The following SPEG variants were observed in gnomAD, a reference collection of about 807,000 sequenced individuals.
The protein encoded by SPEG is striated muscle enriched protein kinase, also known as striated muscle preferentially expressed protein kinase.
In SPEG, 114 loss-of-function variants were observed where a neutral mutation model predicts 300.4. The ratio of observed to expected loss-of-function variants is 0.38; its 90% CI spans 0.33 to 0.44. The LOEUF (loss-of-function observed/expected upper bound fraction) is 0.44, where lower values mean the gene tolerates loss of function less well. SPEG is among the 20% of genes least tolerant of loss of function. The pLI is 1.00. For synonymous variants in SPEG, 1,964 were observed against 2,018.9 expected (o/e 0.97, Z 0.73); for missense variants, 4,201 against 4,586.2 (o/e 0.92, Z 2.43).
chr2:219,460,748 G>GCCTGC (rs1237604127), intron 6 of SPEG: 8 of 985,174 alleles, frequency 8.1e-6, no homozygotes, highest in Non-Finnish European at 9.6e-6. Flanking sequence ...CTAGCCAGCT[G>GCCTGC]CCTGCCGGCC....
Position 219,472,239 on chromosome 2 carries a change from G to A in SPEG, c.3848G>A (p.Gly1283Asp). Residue 1283 changes from glycine to aspartate, a missense_variant, in exon 15 of 41, where the codon GGC (glycine) becomes GAC (aspartate). Physicochemically the swap from Gly to Asp is moderately conservative, Grantham distance 94 (BLOSUM62 -1). Transcript: ENST00000312358. ...AHLYVTDVVP[G>D]PPDGAPQVVA... ...CTGCGGCTTTCAGATGTGGTCCCAG[G>A]CCCTCCAGATGGCGCCCCGCAGGTG... is the stretch of plus-strand genomic sequence containing the variant. The A allele has an allele frequency of 1.2e-6, 2 of 1,613,812 alleles. No homozygotes were observed. Among genetic ancestry groups the A allele is most frequent in the South Asian group, 2.2e-5 (2 of 91,090 alleles).
At chr2:219,447,035 C>T (rs367646932) in intron 3 of SPEG, among the ~76,000 whole-genome samples, 6 of 150,894 alleles carry the variant, frequency 4.0e-5, no homozygotes, top group Middle Eastern at 3.4e-3. Flanking sequence ...ACCCCCTCCT[C>T]CCCGCAAGGG....
At position 219,472,307 on chromosome 2, in the gene SPEG, C is replaced by G; in HGVS notation, c.3916C>G (p.Pro1306Ala). The G allele has an allele frequency of 1.2e-6, 2 of 1,613,772 alleles. No individual in the cohort carries two copies. The highest frequency in any genetic ancestry group is 1.7e-6 in the Non-Finnish European group (2 of 1,179,978). Residue 1306 changes from proline to alanine, a missense_variant, in exon 15 of 41, where the codon CCC (proline) becomes GCC (alanine). Around this residue, in one of 4 missense-constraint regions of SPEG, gnomAD observed 1,047 missense variants for 1,356.8 expected, o/e 0.77. Coordinates refer to ENST00000312358, the MANE Select transcript of SPEG (RefSeq NM_005876.5). ...GATGGTCACACTCACATGGAACCCC[C>G]CCAGGAGTCTGGACATGGCCATCGG... ...GRMVTLTWNP[P>A]RSLDMAIDPD...
intron 6 of SPEG, among the ~76,000 whole-genome samples, chr2:219,452,651 G>A (rs1476722242): frequency 2.6e-5 from 4 of 152,122 alleles, no homozygotes; most frequent in Non-Finnish European, 4.4e-5. Context: ...ATCTAGTGCC[G>A]AGGACATCCG....
chr2:219,448,212 G>A lies in SPEG; in HGVS notation c.1054G>A (p.Glu352Lys), dbSNP rs906654699. The A allele has an allele frequency of 6.2e-7, 1 of 1,612,418 alleles. No homozygotes were observed. Among genetic ancestry groups the A allele is most frequent in the African/African-American group, 1.3e-5 (1 of 74,920 alleles). ...PVLPEDTTTEEKRGKKSKSSG... is the reference protein window; with the variant it reads ...PVLPEDTTTEKKRGKKSKSSG... Reference sequence around the variant, plus strand: ...GCTGCCCGAGGACACCACCACCGAAGAGAAGCGAGGGAAGAAGTCCAAGTC... The same window carrying A: ...GCTGCCCGAGGACACCACCACCGAAAAGAAGCGAGGGAAGAAGTCCAAGTC... Residue 352 changes from glutamate to lysine, a missense_variant, in exon 4 of 41, where the codon GAG (glutamate) becomes AAG (lysine). Glu to Lys is a moderately conservative substitution (Grantham distance 56). Coordinates refer to ENST00000312358, the MANE Select transcript of SPEG (RefSeq NM_005876.5).
At chr2:219,441,728 T>C (rs531794085) in intron 1 of SPEG, 19 of 382,210 alleles carry the variant, frequency 5.0e-5, no homozygotes, top group South Asian at 2.1e-4. Flanking sequence ...GGTCCGTGGC[T>C]CTCGGCGTTA....
In SPEG at chr2:219,480,106, A is replaced by C; in HGVS notation, c.5308A>C (p.Asn1770His). The change falls in exon 25 of 41, where the codon AAT (asparagine) becomes CAT (histidine). Residue 1770 changes from asparagine to histidine, a missense_variant. Physicochemically the swap from Asn to His is moderately conservative, Grantham distance 68 (BLOSUM62 1). Coordinates refer to ENST00000312358, the MANE Select transcript of SPEG (RefSeq NM_005876.5). The surrounding 1 kb of genome is among the most constrained non-coding windows in gnomAD (Gnocchi z 5.3). ...TGAGTTTGTAGCACCCGAGATTGTC[A>C]ATCAGAGCCCCGTGTCTGGAGTCAC... is the stretch of plus-strand genomic sequence containing the variant. ...TPEFVAPEIVNQSPVSGVTDI... is the reference protein window; with the variant it reads ...TPEFVAPEIVHQSPVSGVTDI... The C allele has an allele frequency of 6.2e-7, 1 of 1,613,946 alleles. No individual in the cohort carries two copies. Among genetic ancestry groups the C allele is most frequent in the Non-Finnish European group, 8.5e-7 (1 of 1,180,016 alleles).
At chr2:219,440,276 A>C (rs1183039159) in intron 1 of SPEG, among the ~76,000 whole-genome samples, 1 of 151,774 alleles carries the variant, frequency 6.6e-6, no homozygotes, top group African/African-American at 2.4e-5. Context: ...AGTCTCAGGT[A>C]CAAGGGGGGC....
intron 14 of SPEG, 85 bp downstream of exon 14, chr2:219,472,072 C>G: frequency 6.4e-7 from 1 of 1,559,842 alleles, no homozygotes; most frequent in Non-Finnish European, 8.7e-7. Context: ...GGCCTCCACC[C>G]AGCTCCCTTC....
intron 14 of SPEG, 112 bp downstream of exon 14, chr2:219,472,099 G>T: frequency 6.5e-7 from 1 of 1,533,470 alleles, no homozygotes; most frequent in Non-Finnish European, 8.8e-7. Flanking sequence ...ATCCCCTGGG[G>T]ACCCTCTTGC....
Position 219,484,743 on chromosome 2 carries a change from C to T in SPEG, c.7280C>T (p.Pro2427Leu), listed in dbSNP as rs1322605028. 2.7e-6 allele frequency: 4 copies of T among 1,471,554 alleles called. No individual in the cohort carries two copies. The East Asian group carries it at 8.3e-5, about 30-fold the overall frequency. The allele number at this position is 1,471,554 out of a possible 1,614,324, so 91.2% of individuals were successfully genotyped here. ...CGGACCCCTCCCGCGCAGCGCCACC[C>T]GGCCTGGGAGGCCCGCGGCGGGGAC... Reference protein sequence around the residue: ...LRRTPPAQRHPAWEARGGDGE... With the variant: ...LRRTPPAQRHLAWEARGGDGE... Residue 2427 changes from proline (P) to leucine (L), a missense_variant, in exon 30 of 41, where the codon CCG becomes CTG. By Grantham distance (98) the Pro-to-Leu change is moderately conservative (BLOSUM62 -3). Around this residue, in one of 4 missense-constraint regions of SPEG, gnomAD observed 1,578 missense variants for 1,506.0 expected, o/e 1.05. Transcript: ENST00000312358.
Position 219,489,149 on chromosome 2 carries a change from G to A in SPEG, c.8245G>A (p.Ala2749Thr). The A allele has an allele frequency of 6.2e-7, 1 of 1,613,996 alleles. No individual in the cohort carries two copies. Residue 2749 changes from alanine to threonine, a missense_variant, in exon 35 of 41, where the codon GCC (alanine) becomes ACC (threonine). Ala to Thr is a moderately conservative substitution (Grantham distance 58). Around this residue, in one of 4 missense-constraint regions of SPEG, gnomAD observed 1,578 missense variants for 1,506.0 expected, o/e 1.05. Transcript: ENST00000312358. ...TGGCGTGACTGTGAGGTTCCGTGTG[G>A]CCTGTGCCAACCGTGCTGGGCAGGG... Reference protein sequence around the residue: ...PVGVTVRFRVACANRAGQGPF... With the variant: ...PVGVTVRFRVTCANRAGQGPF...
At chr2:219,488,745 G>A (rs1487980889) in intron 33 of SPEG, 33 bp from the exon 34 acceptor site, 2 of 1,611,794 alleles carry the variant, frequency 1.2e-6, no homozygotes, top group African/African-American at 1.3e-5. Flanking sequence ...CTAGGGTATA[G>A]GGGCTCACTG....
rs1954788805 is a variant in SPEG, at chr2:219,439,005, A to G, written c.388+3640A>G. ...TATGGAGCTGGGAATGGGTATGGGG[A>G]GTGTCAACATGCATGCATGCCAAGT... On this transcript the variant is annotated intron_variant, in intron 1 of 40. Coordinates refer to ENST00000312358, the MANE Select transcript of SPEG (RefSeq NM_005876.5). This position sits in a 1 kb window ranked among gnomAD's most constrained non-coding sequence, Gnocchi z 4.5. 6.6e-6 allele frequency among the ~76,000 whole-genome samples: 1 copy of G among 152,180 alleles called. No individual in the cohort carries two copies. Among genetic ancestry groups the G allele is most frequent in the South Asian group, 2.1e-4 (1 of 4,828 alleles).
chr2:219,491,736 C>T (rs539015965), intron 38 of SPEG, 58 bp from the exon 39 acceptor site: 69 of 1,436,224 alleles, frequency 4.8e-5, no homozygotes, highest in African/African-American at 2.1e-4. Context: ...GGACCTCCCC[C>T]GCCCCCACTT....
At chr2:219,441,806 A>G (rs1041977143) in intron 1 of SPEG, among the ~76,000 whole-genome samples, 7 of 150,230 alleles carry the variant, frequency 4.7e-5, no homozygotes, top group Non-Finnish European at 8.9e-5. Context: ...GGGACAGGAC[A>G]AGGAAGGGGC....
At position 219,471,884 on chromosome 2, in the gene SPEG, C is replaced by T; in HGVS notation, c.3732C>T (p.Arg1244=). 6.2e-7 allele frequency: 1 copy of T among 1,614,088 alleles called. No homozygotes were observed. The highest frequency in any genetic ancestry group is 8.5e-7 in the Non-Finnish European group (1 of 1,180,006). Reference sequence around the variant, plus strand: ...CCCTCCCAGACAGGGATGTCCATCGCTTGGTGTTCCCTGCCGTGGGGCCTC... The same window carrying T: ...CCCTCCCAGACAGGGATGTCCATCGTTTGGTGTTCCCTGCCGTGGGGCCTC... The part of the protein sequence containing the change: ...RRMTQYRDVH[R]LVFPAVGPQH... The change falls in exon 14 of 41, where the codon CGC becomes CGT. Residue 1244 remains arginine, a synonymous_variant. Transcript: ENST00000312358.
Position 219,443,130 on chromosome 2 carries a change from C to T in SPEG, c.389-1523C>T. Reference sequence around the variant, plus strand: ...CAGAAAACCGGCCATTCCCGCCGGGCCTTTGGCCGACTCACCCATGGTGCG... The same window carrying T: ...CAGAAAACCGGCCATTCCCGCCGGGTCTTTGGCCGACTCACCCATGGTGCG... On this transcript the variant is annotated intron_variant, in intron 1 of 40. Coordinates refer to ENST00000312358, the MANE Select transcript of SPEG (RefSeq NM_005876.5). This position sits in a 1 kb window ranked among gnomAD's most constrained non-coding sequence, Gnocchi z 4.6. 1 of 1,612,728 alleles carries T rather than the reference C, an allele frequency of 6.2e-7. No individual in the cohort carries two copies.
In SPEG at chr2:219,489,413, T is replaced by C. The variant is rs1360594262; in HGVS notation, c.8395T>C (p.Ser2799Pro). 1 of 1,609,776 alleles carries C rather than the reference T, an allele frequency of 6.2e-7. No individual in the cohort carries two copies. Among genetic ancestry groups the C allele is most frequent in the Non-Finnish European group, 8.5e-7 (1 of 1,178,732 alleles). The change falls in exon 36 of 41, where the codon TCT becomes CCT. Residue 2799 changes from serine to proline, a missense_variant. This residue lies in a region of SPEG where 1,578 missense variants were observed against 1,506.0 expected (regional missense o/e 1.05). Coordinates refer to ENST00000312358, the MANE Select transcript of SPEG (RefSeq NM_005876.5). ...GCCAGCCAGGGCCCGGCCTCCTGAC[T>C]CTCCTACCTCACTGGCCCCACCCCT... The part of the protein sequence containing the change: ...SRPARARPPD[S>P]PTSLAPPLAP...
Sources: allele counts gnomAD v4.1 joint callset (sites outside exome capture counted in the v4.1 genomes callset), GRCh38; gene constraint gnomAD v4.1.1; regional missense constraint gnomAD v4.1.1; non-coding constraint Gnocchi (gnomAD v3.1); transcripts MANE v1.5; gene names NCBI Gene and HGNC (gene_info 2026-07-23, HGNC 2026-07-21).